RELN: variants seen among roughly 807,000 people sequenced by gnomAD.
RELN encodes the protein reelin.
A neutral mutation model predicts 427.6 loss-of-function variants in RELN; 108 were observed. That is an observed-to-expected ratio of 0.25 (90% confidence interval 0.22 to 0.30). RELN has a LOEUF of 0.30. RELN is among the 10% of genes least tolerant of loss of function. RELN has a pLI of 1.00. For synonymous variants in RELN, 1,524 were observed against 1,513.4 expected (o/e 1.01, Z -0.16); for missense variants, 3,715 against 4,302.8 (o/e 0.86, Z 3.82).
At chr7:103,822,236 C>T (rs1018922486) in intron 3 of RELN, among the ~76,000 whole-genome samples, 8 of 151,714 alleles carry the variant, frequency 5.3e-5, no homozygotes, top group African/African-American at 1.9e-4. Context: ...TTAATATTAA[C>T]CTTCTAAATT....
intron 2 of RELN, among the ~76,000 whole-genome samples, chr7:103,886,711 A>G (rs2116577336): frequency 6.6e-6 from 1 of 152,344 alleles, no homozygotes; most frequent in East Asian, 1.9e-4. Context: ...AGGTCACCTA[A>G]ATTTATCAAT....
intron 1 of RELN, among the ~76,000 whole-genome samples, chr7:103,965,951 C>A (rs902452289): frequency 2.0e-5 from 3 of 152,140 alleles, no homozygotes; most frequent in Non-Finnish European, 4.4e-5. Context: ...ACGTCAAAAT[C>A]TCAGATTTAG....
intron 20 of RELN, among the ~76,000 whole-genome samples, chr7:103,623,797 T>C (rs1832269504): frequency 6.6e-6 from 1 of 152,174 alleles, no homozygotes; most frequent in Non-Finnish European, 1.5e-5. Context: ...GGCCTGAATG[T>C]CCCTACAGAA....
chr7:103,836,037 C>T (rs769599902), intron 2 of RELN, among the ~76,000 whole-genome samples: 12 of 151,508 alleles, frequency 7.9e-5, no homozygotes, highest in Non-Finnish European at 1.6e-4. Flanking sequence ...CTTACTGCAA[C>T]CTGCAATCTC....
At chr7:103,903,769 A>C (rs751456941) in intron 2 of RELN, among the ~76,000 whole-genome samples, 22 of 152,124 alleles carry the variant, frequency 1.4e-4, no homozygotes, top group Non-Finnish European at 1.9e-4. Flanking sequence ...AGAGAAAGGA[A>C]CTAGAAGAAC....
chr7:103,729,286 G>A (rs1790293495), intron 6 of RELN, among the ~76,000 whole-genome samples: 1 of 152,126 alleles, frequency 6.6e-6, no homozygotes, highest in Non-Finnish European at 1.5e-5. Flanking sequence ...TACCCTTTCA[G>A]CCGTTTGTTA....
chr7:103,741,122 G>A (rs762352733), intron 6 of RELN, among the ~76,000 whole-genome samples: 2 of 152,172 alleles, frequency 1.3e-5, no homozygotes, highest in Non-Finnish European at 2.9e-5. Context: ...CAAAACTCAA[G>A]TGACAAAACA....
intron 17 of RELN, among the ~76,000 whole-genome samples, chr7:103,639,749 C>T (rs1238732905): frequency 2.0e-5 from 3 of 152,094 alleles, no homozygotes; most frequent in African/African-American, 7.2e-5. Flanking sequence ...GTTCTCTACT[C>T]ATTAACTAAT....
At chr7:103,792,668 T>G (rs998231612) in intron 3 of RELN, among the ~76,000 whole-genome samples, 2 of 152,130 alleles carry the variant, frequency 1.3e-5, no homozygotes, top group African/African-American at 4.8e-5. Context: ...TGTGAAACTT[T>G]TAGTATATCT....
At chr7:103,642,825 C>T (rs1483832078) in intron 16 of RELN, among the ~76,000 whole-genome samples, 1 of 151,998 alleles carries the variant, frequency 6.6e-6, no homozygotes, top group Admixed American at 6.6e-5. Flanking sequence ...AAAAGTCACT[C>T]GTATTCTGCT....
intron 10 of RELN, among the ~76,000 whole-genome samples, chr7:103,697,223 C>A (rs1031897225): frequency 6.6e-6 from 1 of 152,110 alleles, no homozygotes; most frequent in Non-Finnish European, 1.5e-5. Flanking sequence ...CCCAAGGGCC[C>A]ACCTCTAATG....
chr7:103,708,300 T>C (rs1789682065), intron 8 of RELN, among the ~76,000 whole-genome samples: 1 of 152,126 alleles, frequency 6.6e-6, no homozygotes, highest in African/African-American at 2.4e-5. Context: ...AGTTGCTGTC[T>C]TGTGATTCAG....
Position 103,824,390 on chromosome 7 carries a change from C to A in RELN, c.473+9147G>T, listed in dbSNP as rs1354574704. On this transcript the variant is annotated intron_variant, in intron 3 of 64. Transcript: ENST00000428762. This position sits in a 1 kb window ranked among gnomAD's most constrained non-coding sequence, Gnocchi z 4.4. ...CAAATTTCTTTGCTGTTTTCCCAGT[C>A]AGGCTTCAATCAGTGGGCCCAGTTC... is the stretch of plus-strand genomic sequence containing the variant. 6.6e-6 allele frequency among the ~76,000 whole-genome samples: 1 copy of A among 152,056 alleles called. No homozygotes were observed. Among genetic ancestry groups the A allele is most frequent in the Admixed American group, 6.6e-5 (1 of 15,220 alleles).
intron 1 of RELN, among the ~76,000 whole-genome samples, chr7:103,931,809 C>T (rs117604416): frequency 2.6e-5 from 4 of 152,270 alleles, no homozygotes; most frequent in East Asian, 1.9e-4. Flanking sequence ...GGCAGCACTA[C>T]ACTCCTCCTT....
chr7:103,884,332 G>C (rs1794675906), intron 2 of RELN, among the ~76,000 whole-genome samples: 3 of 152,128 alleles, frequency 2.0e-5, no homozygotes, highest in South Asian at 2.1e-4. Flanking sequence ...AAAAACCCTA[G>C]AAGAAAACTT....
At chr7:103,567,359 C>T (rs61607886) in intron 31 of RELN, among the ~76,000 whole-genome samples, 2,302 of 152,306 alleles carry the variant, frequency 0.015, 69 homozygotes, top group African/African-American at 0.053. Flanking sequence ...ACCTTTTCCC[C>T]TTTTCTTGTC....
At position 103,633,249 on chromosome 7, in the gene RELN, C is replaced by T. The variant is rs73402456; in HGVS notation, c.2465+2176G>A. Among the ~76,000 whole-genome samples the T allele has an allele frequency of 1.6e-3, 249 of 151,982 alleles. 2 individuals are homozygous for T. The highest frequency in any genetic ancestry group is 5.8e-3 in the African/African-American group (241 of 41,488). ...GCATAAAGAAGCAATATGGAATTCA[C>T]GGCAATTACAGGCAGCAATTTACAC... On this transcript the variant is annotated intron_variant, in intron 19 of 64. Coordinates refer to ENST00000428762, the MANE Select transcript of RELN (RefSeq NM_005045.4).
intron 2 of RELN, among the ~76,000 whole-genome samples, chr7:103,869,743 A>G (rs964066350): frequency 6.6e-6 from 1 of 152,168 alleles, no homozygotes; most frequent in East Asian, 1.9e-4. Context: ...GTGACAAAAC[A>G]CTGCATAACA....
chr7:103,814,166 C>T (rs2116348936), intron 3 of RELN, among the ~76,000 whole-genome samples: 1 of 152,204 alleles, frequency 6.6e-6, no homozygotes, highest in East Asian at 1.9e-4. Flanking sequence ...ATGTGCCAAG[C>T]CTCTGATTCC....
Sources: gnomAD v4.1 joint callset for allele counts (sites outside exome capture counted in the v4.1 genomes callset) on GRCh38, gnomAD v4.1.1 for gene constraint, Gnocchi (gnomAD v3.1) non-coding constraint, MANE v1.5 for transcripts, NCBI Gene and HGNC (gene_info 2026-07-23, HGNC 2026-07-21) for gene names.